ELOVL6: variants seen among roughly 807,000 people sequenced by gnomAD.
ELOVL6 encodes very long chain fatty acid elongase 6.
In ELOVL6, 8 loss-of-function variants were observed where a neutral mutation model predicts 31.7. The observed-to-expected ratio is 0.25, with a 90% CI of 0.15 to 0.45. ELOVL6 has a LOEUF of 0.45. ELOVL6 is among the 20% of genes least tolerant of loss of function. The probability of loss-of-function intolerance (pLI) is 1.00; values close to 1 mark genes in which losing one functional copy is unlikely to be tolerated. For synonymous variants in ELOVL6, 101 were observed against 117.7 expected (o/e 0.86, Z 0.92); for missense variants, 126 against 326.4 (o/e 0.39, Z 4.73).
At chr4:110,165,144 A>C (rs1758739221) in intron 1 of ELOVL6, among the ~76,000 whole-genome samples, 1 of 152,194 alleles carries the variant, frequency 6.6e-6, no homozygotes. Flanking sequence ...CTGGTTTCTG[A>C]CTAGCTGGAC....
chr4:110,148,109 C>CAAAAAA (rs1157605540), intron 1 of ELOVL6, among the ~76,000 whole-genome samples: 1 of 54,960 alleles, frequency 1.8e-5, no homozygotes, highest in African/African-American at 6.1e-5. Flanking sequence ...AACTCGGTCT[C>CAAAAAA]AAAAAAAAAA....
intron 2 of ELOVL6, among the ~76,000 whole-genome samples, chr4:110,089,582 T>C (rs1052509767): frequency 6.6e-6 from 1 of 152,202 alleles, no homozygotes; most frequent in African/African-American, 2.4e-5. Context: ...CTTCTGGATT[T>C]CCTGATAATT....
intron 2 of ELOVL6, among the ~76,000 whole-genome samples, chr4:110,084,134 A>ATATATATGATAT (rs1372065552): frequency 2.2e-5 from 1 of 45,960 alleles, no homozygotes; most frequent in Non-Finnish European, 3.2e-5. Flanking sequence ...TATATGTGAT[A>ATATATATGATAT]ATGATATATA....
chr4:110,167,668 T>C (rs1758816841), intron 1 of ELOVL6, among the ~76,000 whole-genome samples: 1 of 142,888 alleles, frequency 7.0e-6, no homozygotes, highest in South Asian at 2.2e-4. Flanking sequence ...TATGTATGTA[T>C]GTATGTATGT....
intron 1 of ELOVL6, among the ~76,000 whole-genome samples, chr4:110,125,200 G>A (rs372723045): frequency 2.1e-4 from 32 of 152,202 alleles, no homozygotes; most frequent in East Asian, 1.5e-3. Context: ...ATGCTTCAGT[G>A]AGTTGAGATG....
chr4:110,132,639 C>T (rs1190199663), intron 1 of ELOVL6, among the ~76,000 whole-genome samples: 1 of 151,610 alleles, frequency 6.6e-6, no homozygotes, highest in Non-Finnish European at 1.5e-5. Flanking sequence ...CCAGCCTGGC[C>T]AACATGGTGA....
At chr4:110,073,438 C>A (rs1755545882) in intron 2 of ELOVL6, among the ~76,000 whole-genome samples, 1 of 152,160 alleles carries the variant, frequency 6.6e-6, no homozygotes, top group South Asian at 2.1e-4. Context: ...ACCTTGGGCC[C>A]TTAAGCACCA....
At chr4:110,076,633 C>G (rs1220510470) in intron 2 of ELOVL6, among the ~76,000 whole-genome samples, 1 of 152,182 alleles carries the variant, frequency 6.6e-6, no homozygotes, top group South Asian at 2.1e-4. Flanking sequence ...ATAAGAACAG[C>G]TCCAGTCTAC....
chr4:110,109,597 A>G (rs1318161282), intron 1 of ELOVL6, among the ~76,000 whole-genome samples: 1 of 152,218 alleles, frequency 6.6e-6, no homozygotes, highest in African/African-American at 2.4e-5. Flanking sequence ...AGAGTAGCTG[A>G]GCAAGTTCTC....
At chr4:110,112,769 G>C (rs537261064) in intron 1 of ELOVL6, among the ~76,000 whole-genome samples, 1 of 152,190 alleles carries the variant, frequency 6.6e-6, no homozygotes, top group East Asian at 1.9e-4. Context: ...AGCTATTCAG[G>C]AGCCTAAGGC....
At chr4:110,085,849 G>A (rs1035646253) in intron 2 of ELOVL6, among the ~76,000 whole-genome samples, 2 of 152,040 alleles carry the variant, frequency 1.3e-5, no homozygotes, top group Admixed American at 1.3e-4. Context: ...TGAGTAGCTG[G>A]GACTACAGGC....
intron 3 of ELOVL6, among the ~76,000 whole-genome samples, chr4:110,057,907 T>G (rs909262588): frequency 6.7e-6 from 1 of 149,396 alleles, no homozygotes; most frequent in Non-Finnish European, 1.5e-5. Context: ...GAATACATGC[T>G]CACACTCTCA....
At chr4:110,129,203 T>C (rs938821990) in intron 1 of ELOVL6, among the ~76,000 whole-genome samples, 4 of 152,176 alleles carry the variant, frequency 2.6e-5, no homozygotes, top group African/African-American at 9.7e-5. Context: ...ATCAAATAAT[T>C]GTTATTGTTT....
At chr4:110,072,249 G>A (rs574117272) in intron 2 of ELOVL6, among the ~76,000 whole-genome samples, 7 of 152,278 alleles carry the variant, frequency 4.6e-5, no homozygotes, top group South Asian at 2.1e-4. Flanking sequence ...AGGCCGAGGC[G>A]TGTGGATCAT....
intron 3 of ELOVL6, among the ~76,000 whole-genome samples, chr4:110,055,900 C>T (rs1377340287): frequency 1.3e-5 from 2 of 152,094 alleles, no homozygotes; most frequent in Admixed American, 6.5e-5. Flanking sequence ...CCTACAACCC[C>T]ATAATTCACT....
intron 2 of ELOVL6, among the ~76,000 whole-genome samples, chr4:110,094,332 T>A (rs1756503613): frequency 1.4e-5 from 2 of 145,648 alleles, no homozygotes; most frequent in Non-Finnish European, 3.0e-5. Flanking sequence ...GGCAGGAGGA[T>A]CCTTGAGCCC....
intron 3 of ELOVL6, among the ~76,000 whole-genome samples, chr4:110,053,036 T>G (rs1000433246): frequency 2.0e-5 from 3 of 152,200 alleles, no homozygotes; most frequent in African/African-American, 7.2e-5. Flanking sequence ...TGGGCTCAAG[T>G]GATCCTCCCA....
chr4:110,188,751 G>A (rs1392119154), intron 1 of ELOVL6, among the ~76,000 whole-genome samples: 1 of 152,000 alleles, frequency 6.6e-6, no homozygotes, highest in African/African-American at 2.4e-5. Flanking sequence ...AATTAGCCAG[G>A]CATGGTGGCG....
intron 1 of ELOVL6, among the ~76,000 whole-genome samples, chr4:110,129,882 T>A (rs1048034798): frequency 3.9e-4 from 56 of 143,252 alleles, no homozygotes; most frequent in Admixed American, 7.6e-4. Context: ...TTATTTCCAA[T>A]CCAATCCAAT....
Sources: gnomAD v4.1 joint callset for allele counts (sites outside exome capture counted in the v4.1 genomes callset) on GRCh38, gnomAD v4.1.1 for gene constraint, MANE v1.5 for transcripts, NCBI Gene and HGNC (gene_info 2026-07-23, HGNC 2026-07-21) for gene names.